TESC: variants seen among roughly 807,000 people sequenced by gnomAD.
The protein encoded by TESC is tescalcin.
TESC carries 19 observed loss-of-function variants against 31.0 expected under a neutral mutation model. The ratio of observed to expected loss-of-function variants is 0.61; its 90% CI spans 0.43 to 0.90. The LOEUF (loss-of-function observed/expected upper bound fraction) is 0.90, where lower values mean the gene tolerates loss of function less well. Among genes scored for constraint, TESC ranks in the 40% least tolerant of loss-of-function variants. TESC has a pLI of 0.00. For missense variants in TESC, 248 were observed against 303.8 expected (o/e 0.82, Z 1.36); for synonymous variants, 109 against 114.8 (o/e 0.95, Z 0.32).
chr12:117,082,251 C>A (rs1955158931), intron 1 of TESC, among the ~76,000 whole-genome samples: 2 of 152,046 alleles, frequency 1.3e-5, no homozygotes, highest in South Asian at 4.2e-4. Flanking sequence ...AGCCTGTAAT[C>A]CCAACATTTT....
In TESC at chr12:117,075,984, TA is replaced by T. The variant is rs770178077; in HGVS notation, c.59-645del. On this transcript the variant is annotated intron_variant, in intron 1 of 7. Transcript: ENST00000335209. Reference sequence around the variant, plus strand: ...ATATATATGTATGTATATATATATATATTTTTTTTTTTTAGAAATACAGGGT... The same window carrying T: ...ATATATATGTATGTATATATATATATTTTTTTTTTTTTAGAAATACAGGGT... Among the ~76,000 whole-genome samples, 146 of 106,692 alleles carry T rather than the reference TA, an allele frequency of 1.4e-3. 6 individuals are homozygous for T. Among genetic ancestry groups the T allele is most frequent in the East Asian group, 5.6e-3 (26 of 4,602 alleles). The allele number at this position is 106,692 out of a possible 152,430, so 70.0% of individuals were successfully genotyped here.
chr12:117,060,155 G>A (rs1242705704), intron 2 of TESC, among the ~76,000 whole-genome samples: 1 of 152,072 alleles, frequency 6.6e-6, no homozygotes, highest in Middle Eastern at 3.2e-3. Flanking sequence ...GTGCATTACA[G>A]CTCCATAAAG....
Position 117,099,249 on chromosome 12 carries a change from G to T in TESC, c.34C>A (p.Arg12=). Reference sequence around the variant, plus strand: ...CAGCCGGTCTTGCCCTCGAGCTCCCGCACCTCCTCAGACGCGGAGTGGGCA... The same window carrying T: ...CAGCCGGTCTTGCCCTCGAGCTCCCTCACCTCCTCAGACGCGGAGTGGGCA... ...GAAHSASEEV[R]ELEGKTGFSS... The change falls in exon 1 of 8, where the codon CGG becomes AGG. Residue 12 remains arginine (R), a synonymous_variant. Transcript: ENST00000335209. 3.4e-6 allele frequency: 5 copies of T among 1,474,370 alleles called. No individual in the cohort carries two copies. Among genetic ancestry groups the T allele is most frequent in the Non-Finnish European group, 4.5e-6 (5 of 1,120,740 alleles). The allele number at this position is 1,474,370 out of a possible 1,614,324, so 91.3% of individuals were successfully genotyped here.
At chr12:117,085,672 A>G (rs944839649) in intron 1 of TESC, among the ~76,000 whole-genome samples, 4 of 152,152 alleles carry the variant, frequency 2.6e-5, no homozygotes, top group African/African-American at 4.8e-5. Flanking sequence ...AACACTGGGG[A>G]AATCCCGGAA....
intron 3 of TESC, among the ~76,000 whole-genome samples, chr12:117,053,573 T>C (rs1242669796): frequency 2.0e-5 from 3 of 152,118 alleles, no homozygotes; most frequent in African/African-American, 7.2e-5. Flanking sequence ...GATCTTGTGT[T>C]TGGACGAACA....
intron 2 of TESC, among the ~76,000 whole-genome samples, chr12:117,062,930 G>A (rs1954818387): frequency 6.6e-6 from 1 of 152,182 alleles, no homozygotes; most frequent in African/African-American, 2.4e-5. Context: ...GGCCAGTGGT[G>A]TTGCCCCAGT....
intron 6 of TESC, among the ~76,000 whole-genome samples, chr12:117,046,161 G>C (rs117715910): frequency 2.0e-5 from 3 of 152,094 alleles, no homozygotes; most frequent in Admixed American, 6.5e-5. Flanking sequence ...CCCTGCCTTC[G>C]AGGCCAGAAG....
intron 2 of TESC, among the ~76,000 whole-genome samples, chr12:117,057,945 C>T (rs537532101): frequency 3.3e-5 from 5 of 152,222 alleles, no homozygotes; most frequent in Admixed American, 6.5e-5. Context: ...TGAGCCCGGG[C>T]GCCGTAGCTC....
Position 117,061,513 on chromosome 12 carries a change from A to C in TESC, c.129-4627T>G, listed in dbSNP as rs182201816. ...TGCCTGGAGAAGAAATTAACTCAAC[A>C]CAAGAGGCCTGTCCCCAACCAGCAG... is the stretch of plus-strand genomic sequence containing the variant. On this transcript the variant is annotated intron_variant, in intron 2 of 7. Coordinates refer to ENST00000335209, the MANE Select transcript of TESC (RefSeq NM_017899.4). Among the ~76,000 whole-genome samples, 8 of 152,024 alleles carry C rather than the reference A, an allele frequency of 5.3e-5. No individual in the cohort carries two copies. The East Asian group carries it at 9.7e-4, about 18-fold the overall frequency.
At chr12:117,092,102 TC>T (rs1304115778) in intron 1 of TESC, among the ~76,000 whole-genome samples, 4 of 152,176 alleles carry the variant, frequency 2.6e-5, no homozygotes, top group Non-Finnish European at 5.9e-5. Context: ...GCAGCAATAG[TC>T]CCACCCTCAA....
At chr12:117,077,304 G>A (rs1017602264) in intron 1 of TESC, among the ~76,000 whole-genome samples, 1 of 152,174 alleles carries the variant, frequency 6.6e-6, no homozygotes, top group African/African-American at 2.4e-5. Context: ...CACTTGGAAC[G>A]GTTAGGTGAA....
chr12:117,061,133 T>TA (rs775132082), intron 2 of TESC, among the ~76,000 whole-genome samples: 1 of 152,078 alleles, frequency 6.6e-6, no homozygotes, highest in Non-Finnish European at 1.5e-5. Context: ...TTAGAGGAGA[T>TA]AAAGTCTGCA....
At chr12:117,048,746 T>G in intron 4 of TESC, 1 of 597,646 alleles carries the variant, frequency 1.7e-6, no homozygotes, top group Non-Finnish European at 3.1e-6. Context: ...AACCCAGGTC[T>G]TTGCATCAAG....
At chr12:117,091,114 C>G (rs564960261) in intron 1 of TESC, among the ~76,000 whole-genome samples, 8 of 152,300 alleles carry the variant, frequency 5.3e-5, no homozygotes, top group Non-Finnish European at 8.8e-5. Context: ...TGCTCCGTGG[C>G]CACCACCACC....
chr12:117,067,675 T>C (rs1954906658), intron 2 of TESC, among the ~76,000 whole-genome samples: 2 of 152,204 alleles, frequency 1.3e-5, no homozygotes, highest in South Asian at 4.1e-4. Flanking sequence ...ATCACTGCAG[T>C]GGTTTGAGGC....
chr12:117,081,604 A>G (rs929732085), intron 1 of TESC, among the ~76,000 whole-genome samples: 1 of 152,184 alleles, frequency 6.6e-6, no homozygotes, highest in African/African-American at 2.4e-5. Context: ...GCCTGTTTAG[A>G]ACAGTAAGAA....
In TESC at chr12:117,041,969, A is replaced by G; in HGVS notation, c.545T>C (p.Ile182Thr). Residue 182 changes from isoleucine to threonine, a missense_variant, in exon 7 of 8, where the codon ATC (isoleucine) becomes ACC (threonine). By Grantham distance (89) the Ile-to-Thr change is moderately conservative. Transcript: ENST00000335209. ...QMEPDQVYEGITFEDFLKIWQ... is the reference protein window; with the variant it reads ...QMEPDQVYEGTTFEDFLKIWQ... The stretch of plus-strand genomic sequence containing the variant: ...CACCTTCAGGAAGTCCTCGAAGGTG[A>G]TCCCCTCGTACACCTGATCAGGCTC... 1 of 1,594,408 alleles carries G rather than the reference A, an allele frequency of 6.3e-7. No individual in the cohort carries two copies. Among genetic ancestry groups the G allele is most frequent in the Non-Finnish European group, 8.5e-7 (1 of 1,170,064 alleles).
intron 2 of TESC, among the ~76,000 whole-genome samples, chr12:117,061,982 A>G (rs1954805606): frequency 6.6e-6 from 1 of 152,234 alleles, no homozygotes; most frequent in Non-Finnish European, 1.5e-5. Flanking sequence ...ATAAATCCAC[A>G]TAAGATGCTG....
intron 2 of TESC, among the ~76,000 whole-genome samples, chr12:117,066,870 G>A (rs527578430): frequency 3.2e-4 from 48 of 152,252 alleles, no homozygotes; most frequent in African/African-American, 1.1e-3. Flanking sequence ...CAAGGACCAT[G>A]TCAGTATCAA....
Sources: allele counts gnomAD v4.1 joint callset (sites outside exome capture counted in the v4.1 genomes callset), GRCh38; gene constraint gnomAD v4.1.1; transcripts MANE v1.5; gene names NCBI Gene and HGNC (gene_info 2026-07-23, HGNC 2026-07-21).